Variants in ABL2 observed in about 807,000 individuals in gnomAD.
The protein encoded by ABL2 is tyrosine-protein kinase ABL2.
In ABL2, 49 loss-of-function variants were observed where a neutral mutation model predicts 107.7. The ratio of observed to expected loss-of-function variants is 0.45; its 90% CI spans 0.36 to 0.58. The LOEUF (loss-of-function observed/expected upper bound fraction) is 0.58, where lower values mean the gene tolerates loss of function less well. Ranked by LOEUF, ABL2 falls within the 20% of genes least tolerant of loss-of-function variation. ABL2 has a pLI of 0.00. For missense variants in ABL2, 1,245 were observed against 1,457.0 expected, an observed-to-expected ratio of 0.85 and a Z score of 2.37; for synonymous variants, 549 against 548.6, an observed-to-expected ratio of 1.00 and a Z score of -0.01.
rs144958518 is a variant in ABL2, at chr1:179,117,668, C to T, written c.1224-152G>A. On this transcript the variant is annotated intron_variant, in intron 7 of 11. Transcript: ENST00000502732. The stretch of plus-strand genomic sequence containing the variant: ...TGATAATCACTAACACCTTAGAAAG[C>T]CACTAATGATATGTCACTGTAGAGC... 7.1e-6 allele frequency: 5 copies of T among 703,076 alleles called. No individual in the cohort carries two copies. In the African/African-American group the frequency reaches 7.1e-5, roughly 10 times the overall value. The allele number at this position is 703,076 out of a possible 1,614,324, so 43.6% of individuals were successfully genotyped here.
intron 1 of ABL2, among the ~76,000 whole-genome samples, chr1:179,178,501 T>C (rs1660182886): frequency 3.3e-5 from 5 of 151,940 alleles, no homozygotes; most frequent in Admixed American, 3.3e-4. Context: ...TATAGTTTCC[T>C]CGTCCACTGT....
rs1165231453 is a variant in ABL2 at position 179,102,649 on chromosome 1, A to C, written c.*5069T>G. ...ACTCAAAAATCAAGAACAAAAATAT[A>C]GATAACCCTGTCAACCCAATATGAA... On this transcript the variant is annotated 3_prime_UTR_variant, in exon 12 of 12. Coordinates refer to ENST00000502732, the MANE Select transcript of ABL2 (RefSeq NM_007314.4). 8.7e-6 allele frequency: 2 copies of C among 229,558 alleles called. No individual in the cohort carries two copies. Among genetic ancestry groups the C allele is most frequent in the East Asian group, 1.2e-4 (2 of 16,098 alleles). 14.2% of individuals were successfully genotyped at this position (229,558 alleles called of 1,614,324 possible). A position where few individuals can be genotyped will look rare whatever the true frequency, so the allele number is the denominator to read the frequency against.
intron 7 of ABL2, 124 bp downstream of exon 7, chr1:179,118,463 T>C: frequency 1.1e-6 from 1 of 922,882 alleles, no homozygotes; most frequent in East Asian, 2.6e-5. Context: ...TAATGGGCCC[T>C]GTGAAATACA....
At chr1:179,128,012 G>A (rs910813229) in intron 3 of ABL2, among the ~76,000 whole-genome samples, 2 of 144,800 alleles carry the variant, frequency 1.4e-5, no homozygotes, top group South Asian at 2.3e-4. Context: ...TCCAGCCTGG[G>A]AGACAGAGTG....
chr1:179,132,441 C>T (rs1656429824), intron 2 of ABL2, among the ~76,000 whole-genome samples: 1 of 152,138 alleles, frequency 6.6e-6, no homozygotes, highest in East Asian at 1.9e-4. Context: ...ATTTTTAGTG[C>T]CTGTCTACAA....
intron 1 of ABL2, among the ~76,000 whole-genome samples, chr1:179,141,925 G>A (rs2636276): frequency 0.35 from 52,935 of 152,086 alleles, 9,611 homozygotes; most frequent in East Asian, 0.49. Flanking sequence ...CAAGATAAGG[G>A]ATAAAGGCAA....
At chr1:179,176,947 C>T (rs535463104) in intron 1 of ABL2, among the ~76,000 whole-genome samples, 4 of 152,008 alleles carry the variant, frequency 2.6e-5, no homozygotes, top group Admixed American at 2.0e-4. Context: ...CTGCCCACCT[C>T]GGCCTCCCAA....
At chr1:179,130,464 G>C (rs1199746596) in intron 3 of ABL2, among the ~76,000 whole-genome samples, 1 of 152,182 alleles carries the variant, frequency 6.6e-6, no homozygotes, top group Admixed American at 6.5e-5. Flanking sequence ...AAGGCTTTCT[G>C]CATGAAGATA....
intron 1 of ABL2, among the ~76,000 whole-genome samples, chr1:179,188,951 A>C (rs1040388846): frequency 2.0e-5 from 3 of 152,228 alleles, no homozygotes; most frequent in Non-Finnish European, 4.4e-5. Flanking sequence ...TACCCCTTAA[A>C]TCTTGAACTA....
intron 10 of ABL2, chr1:179,110,984 T>C: frequency 5.5e-6 from 3 of 542,634 alleles, no homozygotes; most frequent in South Asian, 5.8e-5. Flanking sequence ...TTTTGGCTTT[T>C]TTTTTTTTTT....
chr1:179,112,756 ATT>A (rs747910142), intron 9 of ABL2, among the ~76,000 whole-genome samples: 12 of 134,594 alleles, frequency 8.9e-5, no homozygotes, highest in Admixed American at 1.5e-4. Context: ...CGCCCAGCTA[ATT>A]TTTTTTTTTT....
At chr1:179,228,999 G>T (rs1663386020) in intron 1 of ABL2, among the ~76,000 whole-genome samples, 1 of 152,106 alleles carries the variant, frequency 6.6e-6, no homozygotes, top group Non-Finnish European at 1.5e-5. Context: ...GACCATCCAG[G>T]GTCCCCAAAC....
rs1387905695 is a variant in ABL2 at position 179,229,323 on chromosome 1, G to A, written c.75C>T (p.Ser25=). 1 of 1,584,378 alleles carries A rather than the reference G, an allele frequency of 6.3e-7. No homozygotes were observed. Among genetic ancestry groups the A allele is most frequent in the Admixed American group, 1.8e-5 (1 of 56,822 alleles). The change falls in exon 1 of 12, where the codon AGC becomes AGT. Residue 25 remains serine, a synonymous_variant. Coordinates refer to ENST00000502732, the MANE Select transcript of ABL2 (RefSeq NM_007314.4). ...TGCGGCCGGAGGGCCTGGCTGCACT[G>A]CTGCCCCGGATCCCGCGGGGCTGAG... ...QQPQPRGIRG[S]SAARPSGRRR...
Position 179,117,339 on chromosome 1 carries a change from G to A in ABL2, c.1401C>T (p.Asp467=), listed in dbSNP as rs374895546. 7.2e-5 allele frequency: 116 copies of A among 1,613,788 alleles called. No homozygotes were observed. The highest frequency in any genetic ancestry group is 1.1e-4 in the African/African-American group (8 of 74,864). ...AGTCCCTTTCAACCTTACCCCAGAC[G>A]TCAGATTTAATTGAGAAGGTATTGT... ...LAYNTFSIKS[D]VWAFGVLLWE... Residue 467 remains aspartate (D), a synonymous_variant, in exon 8 of 12, where the codon GAC becomes GAT. Coordinates refer to ENST00000502732, the MANE Select transcript of ABL2 (RefSeq NM_007314.4).
At chr1:179,141,350 C>A (rs1056345230) in intron 1 of ABL2, among the ~76,000 whole-genome samples, 2 of 151,888 alleles carry the variant, frequency 1.3e-5, no homozygotes, top group African/African-American at 4.8e-5. Context: ...GAGTGACAGA[C>A]TGTCAATACG....
chr1:179,152,227 C>T (rs1367330009), intron 1 of ABL2, among the ~76,000 whole-genome samples: 1 of 152,134 alleles, frequency 6.6e-6, no homozygotes, highest in Non-Finnish European at 1.5e-5. Context: ...AAGAATTCAC[C>T]TTTGTCCCTA....
At chr1:179,195,257 C>T (rs1397198052) in intron 1 of ABL2, among the ~76,000 whole-genome samples, 3 of 152,046 alleles carry the variant, frequency 2.0e-5, no homozygotes, top group African/African-American at 7.2e-5. Context: ...CACTGCACTC[C>T]AGCCTGGGCA....
intron 1 of ABL2, among the ~76,000 whole-genome samples, chr1:179,150,687 GT>G (rs1388844606): frequency 1.3e-5 from 2 of 152,200 alleles, no homozygotes; most frequent in African/African-American, 2.4e-5. Context: ...CATAAACTTA[GT>G]TTGCAGCAGC....
chr1:179,154,847 A>G (rs945748037), intron 1 of ABL2, among the ~76,000 whole-genome samples: 1 of 152,218 alleles, frequency 6.6e-6, no homozygotes, highest in African/African-American at 2.4e-5. Flanking sequence ...CATTTGGGAA[A>G]GACTCATCTT....
Sources: gnomAD v4.1 joint callset for allele counts (sites outside exome capture counted in the v4.1 genomes callset) on GRCh38, gnomAD v4.1.1 for gene constraint, MANE v1.5 for transcripts, NCBI Gene and HGNC (gene_info 2026-07-23, HGNC 2026-07-21) for gene names.